RGS20: variants seen among roughly 807,000 people sequenced by gnomAD.
RGS20 encodes gz-selective GTPase-activating protein.
A neutral mutation model predicts 33.6 loss-of-function variants in RGS20; 30 were observed. The observed-to-expected ratio is 0.89, with a 90% CI of 0.67 to 1.21. The LOEUF (loss-of-function observed/expected upper bound fraction) is 1.21, where lower values mean the gene tolerates loss of function less well. Among genes scored for constraint, RGS20 ranks in the 50% most tolerant of loss-of-function variants. The probability of loss-of-function intolerance (pLI) is 0.00; values close to 1 mark genes in which losing one functional copy is unlikely to be tolerated. For missense variants in RGS20, 472 were observed against 502.4 expected (o/e 0.94, Z 0.58); for synonymous variants, 208 against 197.9 (o/e 1.05, Z -0.43).
intron 2 of RGS20, 87 bp downstream of exon 1, chr8:53,881,171 G>T: frequency 9.8e-7 from 1 of 1,022,694 alleles, no homozygotes; most frequent in East Asian, 3.1e-5. Flanking sequence ...GGCTGGGAGG[G>T]GCGCGCCGCT....
intron 2 of RGS20, among the ~76,000 whole-genome samples, chr8:53,930,477 C>T (rs1228248226): frequency 1.3e-5 from 2 of 152,186 alleles, no homozygotes; most frequent in African/African-American, 4.8e-5. Context: ...AACAGGACTC[C>T]CCTGAGACCT....
intron 2 of RGS20, among the ~76,000 whole-genome samples, chr8:53,892,211 G>A (rs1162327737): frequency 2.6e-5 from 4 of 152,180 alleles, no homozygotes; most frequent in Admixed American, 1.3e-4. Flanking sequence ...CCCTACAAAG[G>A]ACACGAACTC....
At chr8:53,873,964 C>T (rs1327377849) in intron 1 of RGS20, among the ~76,000 whole-genome samples, 3 of 151,900 alleles carry the variant, frequency 2.0e-5, no homozygotes, top group Non-Finnish European at 4.4e-5. Context: ...TTTAGGAGGC[C>T]GAGGAGAGTG....
chr8:53,920,075 C>T (rs34568833), intron 2 of RGS20, among the ~76,000 whole-genome samples: 1,780 of 152,124 alleles, frequency 0.012, 16 homozygotes, highest in Non-Finnish European at 0.019. Flanking sequence ...GTGTTTCACC[C>T]TGTTGCCTAG....
intron 2 of RGS20, among the ~76,000 whole-genome samples, chr8:53,903,338 T>C (rs1439999087): frequency 6.6e-6 from 1 of 152,244 alleles, no homozygotes; most frequent in East Asian, 1.9e-4. Context: ...CAATGAGGCT[T>C]ACAACATTTG....
At chr8:53,889,723 CTG>C (rs66766851) in intron 2 of RGS20, among the ~76,000 whole-genome samples, 100,037 of 145,880 alleles carry the variant, frequency 0.69, 35,044 homozygotes, top group Middle Eastern at 0.85. Context: ...TGTCAAAATT[CTG>C]TGTGTGTGTG....
intron 2 of RGS20, among the ~76,000 whole-genome samples, chr8:53,882,833 G>A (rs931484796): frequency 2.6e-5 from 4 of 152,126 alleles, no homozygotes; most frequent in Non-Finnish European, 5.9e-5. Flanking sequence ...CCGGAGTGTG[G>A]GGAGGAAGGG....
chr8:53,926,193 G>A (rs556296632), intron 2 of RGS20, among the ~76,000 whole-genome samples: 1 of 152,314 alleles, frequency 6.6e-6, no homozygotes, highest in South Asian at 2.1e-4. Flanking sequence ...CTGGGCAACA[G>A]AGTGAGATCC....
intron 1 of RGS20, among the ~76,000 whole-genome samples, chr8:53,854,113 CG>C (rs1343330778): frequency 7.2e-5 from 11 of 151,790 alleles, no homozygotes; most frequent in Admixed American, 6.6e-4. Flanking sequence ...TACAACTACA[CG>C]GAGAACTATA....
chr8:53,852,637 G>GA (rs1170797244), intron 1 of RGS20, among the ~76,000 whole-genome samples: 1 of 151,864 alleles, frequency 6.6e-6, no homozygotes, highest in Non-Finnish European at 1.5e-5. Context: ...GTGTATATTT[G>GA]AAAAAAATAC....
At chr8:53,930,804 C>A (rs1813933258) in intron 2 of RGS20, among the ~76,000 whole-genome samples, 1 of 152,110 alleles carries the variant, frequency 6.6e-6, no homozygotes, top group Non-Finnish European at 1.5e-5. Context: ...CTGCCTCGGC[C>A]TCCCAAGGAA....
At chr8:53,868,190 C>G (rs190406458) in intron 1 of RGS20, among the ~76,000 whole-genome samples, 10 of 152,212 alleles carry the variant, frequency 6.6e-5, no homozygotes, top group African/African-American at 2.4e-4. Context: ...TCATTGAATT[C>G]CTATTTGCTG....
intron 2 of RGS20, among the ~76,000 whole-genome samples, chr8:53,901,564 C>T (rs181736659): frequency 7.6e-4 from 116 of 152,268 alleles, no homozygotes; most frequent in Non-Finnish European, 1.3e-3. Context: ...TCTGAAAAAC[C>T]GCACCTCTTA....
Position 53,959,290 on chromosome 8 carries a change from G to T in RGS20, c.*832G>T, listed in dbSNP as rs1814968655. 6.6e-6 allele frequency: 1 copy of T among 152,086 alleles called. No homozygotes were observed. Among genetic ancestry groups the T allele is most frequent in the Non-Finnish European group, 1.5e-5 (1 of 67,996 alleles). The allele number at this position is 152,086 out of a possible 1,614,324, so 9.4% of individuals were successfully genotyped here. ...CATTCTTTAAAGAAATAAAGCACAAGAATTTTATCTCAATCTTTATTTTTC... is the reference window on the plus strand; with the variant it reads ...CATTCTTTAAAGAAATAAAGCACAATAATTTTATCTCAATCTTTATTTTTC... On this transcript the variant is annotated 3_prime_UTR_variant, in exon 6 of 6. Coordinates refer to ENST00000297313, the MANE Select transcript of RGS20 (RefSeq NM_170587.4).
intron 2 of RGS20, chr8:53,881,012 A>G (rs761971577): frequency 1.3e-6 from 2 of 1,594,794 alleles, no homozygotes; most frequent in Non-Finnish European, 1.7e-6. Flanking sequence ...CACCCGCGGG[A>G]CGCATGCGCA....
At chr8:53,925,689 C>A (rs914431867) in intron 2 of RGS20, among the ~76,000 whole-genome samples, 1 of 151,652 alleles carries the variant, frequency 6.6e-6, no homozygotes, top group South Asian at 2.1e-4. Context: ...GAGCTGAGAT[C>A]GTGCCATTGC....
At chr8:53,910,933 C>T (rs1007211370) in intron 2 of RGS20, among the ~76,000 whole-genome samples, 2 of 152,160 alleles carry the variant, frequency 1.3e-5, no homozygotes, top group Non-Finnish European at 2.9e-5. Flanking sequence ...TAAAATCATA[C>T]AGGCCACATT....
chr8:53,956,184 G>A (rs544270834), intron 5 of RGS20, among the ~76,000 whole-genome samples: 2 of 152,268 alleles, frequency 1.3e-5, no homozygotes, highest in African/African-American at 4.8e-5. Flanking sequence ...AGGACCAGGC[G>A]AGCCCAGGGG....
intron 2 of RGS20, among the ~76,000 whole-genome samples, chr8:53,895,544 T>G (rs990922223): frequency 6.6e-6 from 1 of 152,184 alleles, no homozygotes; most frequent in Non-Finnish European, 1.5e-5. Flanking sequence ...CTATGAAGAA[T>G]TTCTGTTTAT....
Sources: allele counts gnomAD v4.1 joint callset (sites outside exome capture counted in the v4.1 genomes callset), GRCh38; gene constraint gnomAD v4.1.1; transcripts MANE v1.5; gene names NCBI Gene and HGNC (gene_info 2026-07-23, HGNC 2026-07-21).